Variants in SHLD2 observed in about 807,000 individuals in gnomAD.
The protein encoded by SHLD2 is shieldin complex subunit 2.
Under a neutral mutation model 73.2 loss-of-function variants are expected in SHLD2, and 30 were observed. That is an observed-to-expected ratio of 0.41 (90% CI 0.31 to 0.56). SHLD2 has a LOEUF of 0.56. Among genes scored for constraint, SHLD2 ranks in the 20% least tolerant of loss-of-function variants. The pLI, the probability that SHLD2 is intolerant of heterozygous loss-of-function variation, is 0.28. For missense variants in SHLD2, 745 were observed against 1,055.9 expected (o/e 0.71, Z 4.08); for synonymous variants, 285 against 370.1 (o/e 0.77, Z 2.64).
intron 7 of SHLD2, among the ~76,000 whole-genome samples, chr10:87,179,750 G>GA (rs1848189932): frequency 6.6e-6 from 1 of 152,204 alleles, no homozygotes; most frequent in African/African-American, 2.4e-5. Flanking sequence ...AGGGCAAGGA[G>GA]AGAGGACATG....
chr10:87,138,297 TCAAAAA>T (rs1433053360), intron 2 of SHLD2, among the ~76,000 whole-genome samples: 5 of 148,506 alleles, frequency 3.4e-5, no homozygotes, highest in African/African-American at 1.2e-4. Flanking sequence ...AGACTCAGTC[TCAAAAA>T]CAAAGAAAGA....
At chr10:87,121,122 A>G (rs1229828230) in intron 2 of SHLD2, among the ~76,000 whole-genome samples, 1 of 151,982 alleles carries the variant, frequency 6.6e-6, no homozygotes, top group Non-Finnish European at 1.5e-5. Flanking sequence ...CTGGCTTTTT[A>G]ATTTTAATTT....
At chr10:87,171,850 T>G (rs1412710167) in intron 6 of SHLD2, among the ~76,000 whole-genome samples, 1 of 152,098 alleles carries the variant, frequency 6.6e-6, no homozygotes, top group African/African-American at 2.4e-5. Flanking sequence ...CAGATGTTTG[T>G]TTGGTTGAGC....
At chr10:87,094,567 T>C, upstream of SHLD2, 3 of 1,611,924 alleles carry the variant, frequency 1.9e-6, no homozygotes, top group Non-Finnish European at 2.5e-6. This position sits in a 1 kb window ranked among gnomAD's most constrained non-coding sequence, Gnocchi z 6.6. Context: ...CTCCACCATC[T>C]TGAAGAAGTT....
chr10:87,098,619 C>T (rs1164093601), intron 2 of SHLD2, among the ~76,000 whole-genome samples: 1 of 151,722 alleles, frequency 6.6e-6, no homozygotes, highest in African/African-American at 2.4e-5. Context: ...GTATCTGACT[C>T]CAAAGTTATA....
intron 2 of SHLD2, among the ~76,000 whole-genome samples, chr10:87,121,253 TAGC>T (rs1843597417): frequency 6.6e-6 from 1 of 151,812 alleles, no homozygotes; most frequent in Non-Finnish European, 1.5e-5. Flanking sequence ...GCCACCTGAG[TAGC>T]TGGGAGTAGA....
chr10:87,095,745 CACAGTACTG>C (rs1841809771), intron 1 of SHLD2, among the ~76,000 whole-genome samples: 2 of 152,220 alleles, frequency 1.3e-5, no homozygotes, highest in Admixed American at 1.3e-4. Context: ...TGTGTCGCCC[CACAGTACTG>C]ACTGCTTCAC....
rs181764245 is a variant in SHLD2 at position 87,096,647 on chromosome 10, G to A, written c.-61-287G>A. On this transcript the variant is annotated intron_variant, in intron 1 of 9. Coordinates refer to ENST00000298786, the MANE Select transcript of SHLD2 (RefSeq NM_001330112.2). ...CAAACACCACATTACTAGCGTTAGC[G>A]GTCTCAGTGTACTTGGGTGGTTTTA... is the stretch of plus-strand genomic sequence containing the variant. Among the ~76,000 whole-genome samples the A allele has an allele frequency of 1.2e-4, 18 of 152,262 alleles. No homozygotes were observed. The East Asian group carries it at 3.1e-3, about 26-fold the overall frequency.
rs374271968 is a variant in SHLD2, at chr10:87,152,192, T to G, written c.838T>G (p.Tyr280Asp). The G allele has an allele frequency of 1.1e-4, 177 of 1,592,770 alleles. No homozygotes were observed. In the African/African-American group the frequency reaches 2.2e-3, roughly 20 times the overall value. Reference protein sequence around the residue: ...VNMETEPKASYGEIRIPEENS... With the variant: ...VNMETEPKASDGEIRIPEENS... ...CATGGAGACTGAACCAAAGGCAAGT[T>G]ACGGGGAGATAAGAATACCTGAAGA... Residue 280 changes from tyrosine to aspartate, a missense_variant, in exon 3 of 10, where the codon TAC (tyrosine) becomes GAC (aspartate). Coordinates refer to ENST00000298786, the MANE Select transcript of SHLD2 (RefSeq NM_001330112.2).
chr10:87,180,312 A>T lies in SHLD2; in HGVS notation c.2399+9A>T, dbSNP rs755228720. On this transcript the variant is annotated intron_variant, in intron 8 of 9. Coordinates refer to ENST00000298786, the MANE Select transcript of SHLD2 (RefSeq NM_001330112.2). ...AAGAAAATATATTATAGGTAAGGCA[A>T]CTAAGCAAGCCAATTTGATGGAAAA... The T allele has an allele frequency of 6.3e-6, 10 of 1,598,440 alleles. No individual in the cohort carries two copies. The highest frequency in any genetic ancestry group is 7.7e-6 in the Non-Finnish European group (9 of 1,170,742).
intron 2 of SHLD2, among the ~76,000 whole-genome samples, chr10:87,145,213 T>C (rs543556438): frequency 6.6e-6 from 1 of 152,268 alleles, no homozygotes; most frequent in Non-Finnish European, 1.5e-5. Context: ...CATTTAGTAA[T>C]TCTTAAAAGA....
intron 2 of SHLD2, among the ~76,000 whole-genome samples, chr10:87,145,052 T>C (rs1845503384): frequency 6.7e-6 from 1 of 149,180 alleles, no homozygotes; most frequent in Admixed American, 6.7e-5. Context: ...GCCATTCTTC[T>C]GCCTCAGCCT....
chr10:87,154,870 A>C (rs1423568637), intron 3 of SHLD2, among the ~76,000 whole-genome samples: 3 of 152,214 alleles, frequency 2.0e-5, no homozygotes, highest in Admixed American at 6.5e-5. Context: ...CCTACCAAAT[A>C]GTTTACAGGA....
At chr10:87,184,455 C>T (rs189495390) in intron 8 of SHLD2, among the ~76,000 whole-genome samples, 311 of 152,034 alleles carry the variant, frequency 2.0e-3, no homozygotes, top group Non-Finnish European at 3.9e-3. Flanking sequence ...AAAGTCAGTG[C>T]CTGCTGGTCT....
chr10:87,139,807 A>G (rs2760447), intron 2 of SHLD2, among the ~76,000 whole-genome samples: 1 of 152,254 alleles, frequency 6.6e-6, no homozygotes, highest in Non-Finnish European at 1.5e-5. Flanking sequence ...CCTGGGTGAC[A>G]GAGTGAGACT....
At position 87,130,558 on chromosome 10, in the gene SHLD2, G is replaced by A. The variant is rs529084086; in HGVS notation, c.-5-20792G>A. Among the ~76,000 whole-genome samples, 9 of 152,008 alleles carry A rather than the reference G, an allele frequency of 5.9e-5. No homozygotes were observed. In the South Asian group the frequency reaches 1.9e-3, roughly 32 times the overall value. ...ATTTAGGAAGGTACTGAGAGATTGA[G>A]CGTTTCCTAAGGAGCTTTCAGCCAG... On this transcript the variant is annotated intron_variant, in intron 2 of 9. Coordinates refer to ENST00000298786, the MANE Select transcript of SHLD2 (RefSeq NM_001330112.2).
At chr10:87,111,036 G>T (rs1269932062) in intron 2 of SHLD2, among the ~76,000 whole-genome samples, 1 of 151,978 alleles carries the variant, frequency 6.6e-6, no homozygotes, top group African/African-American at 2.4e-5. Context: ...AAGAGATGGG[G>T]TTTCACCATA....
At chr10:87,150,486 C>T (rs1312915592) in intron 2 of SHLD2, among the ~76,000 whole-genome samples, 3 of 151,796 alleles carry the variant, frequency 2.0e-5, no homozygotes, top group East Asian at 2.0e-4. Flanking sequence ...ACAGGCCAGG[C>T]GCGGTGGCTC....
intron 4 of SHLD2, 138 bp from the exon 5 acceptor site, chr10:87,170,340 A>C (rs1415237048): frequency 1.7e-6 from 1 of 577,502 alleles, no homozygotes; most frequent in African/African-American, 1.9e-5. Flanking sequence ...GCTATTGTAC[A>C]TGTTTTAGAG....
Sources: allele counts gnomAD v4.1 joint callset (sites outside exome capture counted in the v4.1 genomes callset), GRCh38; gene constraint gnomAD v4.1.1; non-coding constraint Gnocchi (gnomAD v3.1); transcripts MANE v1.5; gene names NCBI Gene and HGNC (gene_info 2026-07-23, HGNC 2026-07-21).